Variants in TOGARAM2 observed in about 807,000 individuals in gnomAD.
TOGARAM2 encodes the protein TOG array regulator of axonemal microtubules 2, also known as TOG array regulator of axonemal microtubules protein 2.
TOGARAM2 carries 85 observed loss-of-function variants against 93.3 expected under a neutral mutation model. The observed-to-expected ratio is 0.91, with a 90% CI of 0.76 to 1.09. The LOEUF (loss-of-function observed/expected upper bound fraction) is 1.09, where lower values mean the gene tolerates loss of function less well. Ranked by LOEUF, TOGARAM2 falls within the 50% of genes least tolerant of loss-of-function variation. TOGARAM2 has a pLI of 0.00. For synonymous variants in TOGARAM2, 593 were observed against 552.8 expected, an observed-to-expected ratio of 1.07 and a Z score of -1.02; for missense variants, 1,277 against 1,334.5, an observed-to-expected ratio of 0.96 and a Z score of 0.67.
chr2:29,029,264 T>TATACACACACACACAC (rs1553344446), intron 14 of TOGARAM2, among the ~76,000 whole-genome samples: 1 of 147,880 alleles, frequency 6.8e-6, no homozygotes, highest in Non-Finnish European at 1.5e-5. Flanking sequence ...TATGTGTGTA[T>TATACACACACACACAC]ACACACACAC....
intron 18 of TOGARAM2, among the ~76,000 whole-genome samples, chr2:29,040,079 C>T (rs1174968243): frequency 2.0e-5 from 3 of 152,202 alleles, no homozygotes; most frequent in African/African-American, 7.2e-5. Context: ...ATCATATCAA[C>T]ATTATAATGT....
At position 29,036,608 on chromosome 2, in the gene TOGARAM2, C is replaced by A. The variant is rs552831870; in HGVS notation, c.2486C>A (p.Ser829Tyr). ...AAAGTGAACCAGTGGGCGCTGGAGT[C>A]CTTCGCCAAGATGATCCCCCTCCTC... ...NKKVNQWALE[S>Y]FAKMIPLLRE... The change falls in exon 18 of 20, where the codon TCC becomes TAC. Residue 829 changes from serine to tyrosine, a missense_variant. Ser to Tyr is a moderately radical substitution (Grantham distance 144, BLOSUM62 -2). Transcript: ENST00000379558. 6.2e-7 allele frequency: 1 copy of A among 1,613,780 alleles called. No homozygotes were observed. The highest frequency in any genetic ancestry group is 1.7e-5 in the Admixed American group (1 of 59,990).
chr2:28,991,703 G>A (rs931012496), intron 1 of TOGARAM2, among the ~76,000 whole-genome samples: 2 of 152,312 alleles, frequency 1.3e-5, no homozygotes, highest in Non-Finnish European at 1.5e-5. Flanking sequence ...TGCGAGGCCC[G>A]GGTGGTTGGG....
chr2:29,036,626 C>T lies in TOGARAM2; in HGVS notation c.2504C>T (p.Pro835Leu). The change falls in exon 18 of 20, where the codon CCC (proline) becomes CTC (leucine). Residue 835 changes from proline (P) to leucine (L), a missense_variant. Pro to Leu is a moderately conservative substitution (Grantham distance 98). Coordinates refer to ENST00000379558, the MANE Select transcript of TOGARAM2 (RefSeq NM_199280.4). Reference protein sequence around the residue: ...WALESFAKMIPLLRESLHPML... With the variant: ...WALESFAKMILLLRESLHPML... ...CTGGAGTCCTTCGCCAAGATGATCC[C>T]CCTCCTCAGAGAGAGCTTACACCCC... The T allele has an allele frequency of 6.2e-7, 1 of 1,613,974 alleles. No homozygotes were observed. The highest frequency in any genetic ancestry group is 8.5e-7 in the Non-Finnish European group (1 of 1,179,894).
intron 8 of TOGARAM2, 131 bp from the exon 9 acceptor site, chr2:29,017,023 G>T (rs1572713888): frequency 3.5e-6 from 4 of 1,132,976 alleles, no homozygotes; most frequent in Non-Finnish European, 5.1e-6. Context: ...AGCTCTTAAG[G>T]TGCAAGGAGT....
At chr2:28,975,105 T>C (rs1363691212) in intron 1 of TOGARAM2, among the ~76,000 whole-genome samples, 1 of 152,086 alleles carries the variant, frequency 6.6e-6, no homozygotes, top group Non-Finnish European at 1.5e-5. Context: ...TGTGACAGAT[T>C]ATGTATTTTT....
intron 1 of TOGARAM2, among the ~76,000 whole-genome samples, chr2:28,982,063 T>C (rs971360705): frequency 5.9e-5 from 9 of 152,186 alleles, no homozygotes; most frequent in Admixed American, 1.3e-4. Flanking sequence ...CTTGAGCTCT[T>C]TGCCTCTCTG....
chr2:29,018,710 G>T (rs915427339), intron 10 of TOGARAM2: 1 of 152,026 alleles, frequency 6.6e-6, no homozygotes, highest in Non-Finnish European at 1.5e-5. Flanking sequence ...TCTGAATTTG[G>T]TGCTAGTCTT....
At chr2:28,961,151 C>T (rs894955161) in intron 1 of TOGARAM2, among the ~76,000 whole-genome samples, 8 of 151,932 alleles carry the variant, frequency 5.3e-5, no homozygotes, top group Non-Finnish European at 5.9e-5. Flanking sequence ...ACCCTGCTGT[C>T]CTGAGTCCTC....
rs141839343 is a variant in TOGARAM2 at position 28,987,375 on chromosome 2, C to G, written c.-111+5837C>G. On this transcript the variant is annotated intron_variant, in intron 1 of 19. Coordinates refer to ENST00000379558, the MANE Select transcript of TOGARAM2 (RefSeq NM_199280.4). The stretch of plus-strand genomic sequence containing the variant: ...CATGATCTCGGTTCACTGCAAACTC[C>G]GCCTCCCAGGTTCACGCCATTCTCC... Among the ~76,000 whole-genome samples, 654 of 152,134 alleles carry G rather than the reference C, an allele frequency of 4.3e-3. 7 individuals carry two copies. Among genetic ancestry groups the G allele is most frequent in the Non-Finnish European group, 4.6e-3 (310 of 67,996 alleles).
At chr2:28,967,175 C>A (rs1316991004) in intron 1 of TOGARAM2, among the ~76,000 whole-genome samples, 1 of 152,022 alleles carries the variant, frequency 6.6e-6, no homozygotes. Flanking sequence ...AAGAAATTTG[C>A]CAAAGTCTAG....
intron 2 of TOGARAM2, among the ~76,000 whole-genome samples, chr2:28,995,602 A>G (rs139271475): frequency 5.9e-5 from 9 of 152,366 alleles, no homozygotes; most frequent in Non-Finnish European, 1.3e-4. Flanking sequence ...ATTCCAGTGG[A>G]GAAGTGGGAG....
intron 1 of TOGARAM2, among the ~76,000 whole-genome samples, chr2:28,975,603 T>C (rs1672016502): frequency 6.6e-6 from 1 of 152,238 alleles, no homozygotes; most frequent in African/African-American, 2.4e-5. Context: ...TCCTCAAATC[T>C]GTGTCATCTG....
intron 1 of TOGARAM2, among the ~76,000 whole-genome samples, chr2:28,967,190 T>G (rs1671878410): frequency 6.6e-6 from 1 of 152,192 alleles, no homozygotes; most frequent in South Asian, 2.1e-4. Context: ...GTCTAGACTT[T>G]ATTAATTTGG....
At chr2:29,044,159 G>A (rs1462390553) in intron 18 of TOGARAM2, among the ~76,000 whole-genome samples, 1 of 152,238 alleles carries the variant, frequency 6.6e-6, no homozygotes, top group Middle Eastern at 3.2e-3. Flanking sequence ...GCAGCTGGGT[G>A]TGGCTGGATG....
chr2:29,001,417 A>G (rs760991699), intron 4 of TOGARAM2, among the ~76,000 whole-genome samples: 1 of 151,532 alleles, frequency 6.6e-6, no homozygotes, highest in Admixed American at 6.6e-5. Context: ...ATTTTGGCTC[A>G]CTGCAACCTC....
At chr2:29,007,978 C>G (rs967912894) in intron 6 of TOGARAM2, among the ~76,000 whole-genome samples, 1 of 152,124 alleles carries the variant, frequency 6.6e-6, no homozygotes, top group Non-Finnish European at 1.5e-5. Flanking sequence ...TGTCTACCTA[C>G]TCTCCCTTTA....
At chr2:28,999,589 C>T (rs940842086) in intron 4 of TOGARAM2, 121 bp downstream of exon 4, 79 of 1,156,242 alleles carry the variant, frequency 6.8e-5, no homozygotes, top group Non-Finnish European at 8.4e-5. Flanking sequence ...TGGGGGTGAT[C>T]GGTGGGTACA....
intron 17 of TOGARAM2, among the ~76,000 whole-genome samples, 162 bp downstream of exon 17, chr2:29,035,818 C>T (rs528069908): frequency 6.6e-6 from 1 of 152,350 alleles, no homozygotes; most frequent in African/African-American, 2.4e-5. Context: ...TGGGCAAGGG[C>T]ACCGCCTCCT....
Sources: allele counts gnomAD v4.1 joint callset (sites outside exome capture counted in the v4.1 genomes callset), GRCh38; gene constraint gnomAD v4.1.1; transcripts MANE v1.5; gene names NCBI Gene and HGNC (gene_info 2026-07-23, HGNC 2026-07-21).